PIBF1: variants seen among roughly 807,000 people sequenced by gnomAD.
PIBF1 encodes progesterone immunomodulatory binding factor 1.
PIBF1 carries 90 observed loss-of-function variants against 112.5 expected under a neutral mutation model. The ratio of observed to expected loss-of-function variants is 0.80; its 90% confidence interval spans 0.67 to 0.95. PIBF1 has a LOEUF of 0.95. Ranked by LOEUF, PIBF1 falls within the 40% of genes least tolerant of loss-of-function variation. The probability of loss-of-function intolerance (pLI) is 0.00; values close to 1 mark genes in which losing one functional copy is unlikely to be tolerated. For synonymous variants in PIBF1, 301 were observed against 288.6 expected (o/e 1.04, Z -0.44); for missense variants, 915 against 852.3 (o/e 1.07, Z -0.92).
At chr13:72,825,715 T>G (rs1423068458) in intron 6 of PIBF1, among the ~76,000 whole-genome samples, 3 of 152,148 alleles carry the variant, frequency 2.0e-5, no homozygotes, top group African/African-American at 7.2e-5. Context: ...CAAAGTAATA[T>G]TTATTTAATA....
chr13:72,801,880 G>T (rs2035495302), intron 5 of PIBF1, among the ~76,000 whole-genome samples: 1 of 152,156 alleles, frequency 6.6e-6, no homozygotes, highest in Non-Finnish European at 1.5e-5. Flanking sequence ...TTATGACATT[G>T]TAAGAAAAAG....
chr13:72,998,956 G>A lies in PIBF1; in HGVS notation c.2184G>A (p.Glu728=), dbSNP rs761798350. 6.2e-7 allele frequency: 1 copy of A among 1,609,790 alleles called. No individual in the cohort carries two copies. The highest frequency in any genetic ancestry group is 8.5e-7 in the Non-Finnish European group (1 of 1,177,528). The stretch of plus-strand genomic sequence containing the variant: ...CAAAGACTTTGAATGTGCCTAAAGA[G>A]CATGAAGACAATATATTTACACCTA... ...QKSKTLNVPK[E]HEDNIFTPKP... Residue 728 remains glutamate, a synonymous_variant, in exon 17 of 18, where the codon GAG becomes GAA. Transcript: ENST00000326291.
intron 9 of PIBF1, among the ~76,000 whole-genome samples, chr13:72,838,327 C>T (rs565306497): frequency 6.6e-6 from 1 of 152,262 alleles, no homozygotes; most frequent in South Asian, 2.1e-4. Flanking sequence ...ATGAGACCAC[C>T]TGTGTATCTA....
At position 73,016,117 on chromosome 13, in the gene PIBF1, T is replaced by C; in HGVS notation, c.*198T>C. ...ATATACTTTATTTTTTTTTCTATTTTATAAAATAAATATATATGCTATGCT... is the reference window on the plus strand; with the variant it reads ...ATATACTTTATTTTTTTTTCTATTTCATAAAATAAATATATATGCTATGCT... On this transcript the variant is annotated 3_prime_UTR_variant, in exon 18 of 18. Transcript: ENST00000326291. The C allele has an allele frequency of 4.4e-6, 1 of 229,522 alleles. No individual in the cohort carries two copies. Among genetic ancestry groups the C allele is most frequent in the Non-Finnish European group, 8.3e-6 (1 of 120,496 alleles). The allele number at this position is 229,522 out of a possible 1,614,324, so 14.2% of individuals were successfully genotyped here.
At chr13:72,806,224 G>A (rs915434178) in intron 5 of PIBF1, among the ~76,000 whole-genome samples, 5 of 152,008 alleles carry the variant, frequency 3.3e-5, no homozygotes, top group Non-Finnish European at 7.4e-5. Flanking sequence ...CCAGTCATTG[G>A]TAACCATTTT....
At chr13:72,946,205 C>T (rs2042145158) in intron 14 of PIBF1, among the ~76,000 whole-genome samples, 2 of 152,106 alleles carry the variant, frequency 1.3e-5, no homozygotes, top group South Asian at 2.1e-4. Context: ...GAAGCAAACA[C>T]GTCCTTCTTC....
rs1475211170 is a variant in PIBF1 at position 73,015,921 on chromosome 13, G to GT, written c.*6dup. 1 of 1,580,870 alleles carries GT rather than the reference G, an allele frequency of 6.3e-7. No individual in the cohort carries two copies. ...AAGAAACAAAAGATGAAGACCTAGT[G>GT]TTTTGGATGGGAAGCACCTGTAGAC... On this transcript the variant is annotated 3_prime_UTR_variant, in exon 18 of 18. Coordinates refer to ENST00000326291, the MANE Select transcript of PIBF1 (RefSeq NM_006346.4).
chr13:72,991,143 T>C (rs2043465930), intron 16 of PIBF1, among the ~76,000 whole-genome samples: 1 of 152,210 alleles, frequency 6.6e-6, no homozygotes, highest in Admixed American at 6.5e-5. Context: ...TATGCAATAC[T>C]GTTAAGCAGC....
At chr13:72,819,946 T>G (rs2036471941) in intron 5 of PIBF1, among the ~76,000 whole-genome samples, 1 of 152,080 alleles carries the variant, frequency 6.6e-6, no homozygotes, top group Admixed American at 6.6e-5. Context: ...GGGATCCCTG[T>G]TTTTTGCCCA....
At chr13:72,786,114 C>T (rs1306180883) in intron 2 of PIBF1, among the ~76,000 whole-genome samples, 1 of 152,170 alleles carries the variant, frequency 6.6e-6, no homozygotes, top group Admixed American at 6.5e-5. Flanking sequence ...TATGTAAGCT[C>T]ATAGATGCTT....
chr13:72,999,739 C>T (rs566152793), intron 17 of PIBF1, among the ~76,000 whole-genome samples: 1 of 152,244 alleles, frequency 6.6e-6, no homozygotes, highest in South Asian at 2.1e-4. Flanking sequence ...TTCAACCTCC[C>T]TTTTTAAAAA....
chr13:72,939,832 TC>T (rs1566471966), intron 14 of PIBF1, among the ~76,000 whole-genome samples: 1 of 152,108 alleles, frequency 6.6e-6, no homozygotes, highest in Non-Finnish European at 1.5e-5. Context: ...TTTCTCTCCC[TC>T]TCTCTCTTTT....
chr13:72,859,419 ATGT>A (rs1019454387), intron 10 of PIBF1, among the ~76,000 whole-genome samples: 37 of 152,306 alleles, frequency 2.4e-4, no homozygotes, highest in South Asian at 4.1e-4. Flanking sequence ...CTTTATCCAA[ATGT>A]TGTTAGAGAA....
intron 1 of PIBF1, among the ~76,000 whole-genome samples, 179 bp downstream of exon 1, chr13:72,782,528 G>A (rs1229339288): frequency 1.3e-5 from 2 of 152,094 alleles, no homozygotes; most frequent in Admixed American, 6.5e-5. Context: ...CCTTCAAAAA[G>A]AAGGAGGGAG....
At chr13:72,955,489 A>G (rs2042420377) in intron 14 of PIBF1, among the ~76,000 whole-genome samples, 1 of 152,134 alleles carries the variant, frequency 6.6e-6, no homozygotes, top group Admixed American at 6.6e-5. Flanking sequence ...CGTCAAACAA[A>G]TAAGGTAATT....
intron 3 of PIBF1, among the ~76,000 whole-genome samples, 160 bp downstream of exon 3, chr13:72,792,707 T>C (rs1048482016): frequency 2.6e-5 from 4 of 152,174 alleles, no homozygotes; most frequent in Non-Finnish European, 5.9e-5. Flanking sequence ...GTAGGATACT[T>C]GATATGGTAC....
At chr13:72,805,228 C>T (rs570761758) in intron 5 of PIBF1, among the ~76,000 whole-genome samples, 8 of 152,226 alleles carry the variant, frequency 5.3e-5, no homozygotes, top group South Asian at 2.1e-4. Flanking sequence ...CTGCAAGCTC[C>T]GCCTTCTGGG....
chr13:72,860,653 TC>T (rs1226824295), intron 10 of PIBF1, among the ~76,000 whole-genome samples: 1 of 152,158 alleles, frequency 6.6e-6, no homozygotes, highest in Non-Finnish European at 1.5e-5. Context: ...ATTTGTCTCA[TC>T]TTTTTCATTT....
intron 14 of PIBF1, among the ~76,000 whole-genome samples, chr13:72,932,048 C>T (rs1476086444): frequency 6.6e-6 from 1 of 150,436 alleles, no homozygotes; most frequent in Admixed American, 6.6e-5. Flanking sequence ...GTCAAGGACT[C>T]CTCCCTCCTC....
Sources: allele counts gnomAD v4.1 joint callset (sites outside exome capture counted in the v4.1 genomes callset), GRCh38; gene constraint gnomAD v4.1.1; transcripts MANE v1.5; gene names NCBI Gene and HGNC (gene_info 2026-07-23, HGNC 2026-07-21).